The following TRIO variants were observed in gnomAD, a reference collection of about 807,000 sequenced individuals.
The protein encoded by TRIO is trio Rho guanine nucleotide exchange factor.
TRIO carries 58 observed loss-of-function variants against 351.9 expected under a neutral mutation model. That is an observed-to-expected ratio of 0.16 (90% CI 0.13 to 0.21). The LOEUF (loss-of-function observed/expected upper bound fraction) is 0.21, where lower values mean the gene tolerates loss of function less well. TRIO is among the 10% of genes least tolerant of loss of function. TRIO has a pLI of 1.00. For missense variants in TRIO, 3,201 were observed against 4,027.8 expected (o/e 0.79, Z 5.56); for synonymous variants, 1,758 against 1,595.7 (o/e 1.10, Z -2.42).
chr5:14,162,776 T>C (rs1788545899), intron 1 of TRIO, among the ~76,000 whole-genome samples: 1 of 152,214 alleles, frequency 6.6e-6, no homozygotes, highest in Non-Finnish European at 1.5e-5. Flanking sequence ...GGTGTTTTTA[T>C]ATGTCATCAA....
rs562923442 is a variant in TRIO at position 14,435,840 on chromosome 5, G to A, written c.5203+15819G>A. ...ACTCCTTTACTTTCTGGCACTATAG[G>A]ATGTACCAGGCTCATATTGTATTTT... is the stretch of plus-strand genomic sequence containing the variant. On this transcript the variant is annotated intron_variant, in intron 34 of 56. Coordinates refer to ENST00000344204, the MANE Select transcript of TRIO (RefSeq NM_007118.4). Among the ~76,000 whole-genome samples the A allele has an allele frequency of 4.6e-5, 7 of 152,286 alleles. No homozygotes were observed. The East Asian group carries it at 9.6e-4, about 21-fold the overall frequency.
At chr5:14,507,090 A>G (rs1757742480) in intron 55 of TRIO, 32 bp from the exon 56 acceptor site, 1 of 1,552,112 alleles carries the variant, frequency 6.4e-7, no homozygotes, top group African/African-American at 1.4e-5. Context: ...AGCAAATCGC[A>G]TCATAACAGT....
intron 2 of TRIO, among the ~76,000 whole-genome samples, chr5:14,273,784 C>A (rs1248823766): frequency 6.6e-6 from 1 of 152,212 alleles, no homozygotes; most frequent in African/African-American, 2.4e-5. Context: ...TAGTGTGGTT[C>A]CTATGCCACT....
At chr5:14,156,012 C>G (rs1788084104) in intron 1 of TRIO, among the ~76,000 whole-genome samples, 1 of 152,106 alleles carries the variant, frequency 6.6e-6, no homozygotes, top group Admixed American at 6.5e-5. Context: ...GAAGAGCTTT[C>G]CTTATCTTCC....
At chr5:14,315,189 A>C (rs540061317) in intron 8 of TRIO, among the ~76,000 whole-genome samples, 27 of 149,126 alleles carry the variant, frequency 1.8e-4, no homozygotes, top group African/African-American at 6.4e-4. Context: ...GCTCTTTTTT[A>C]TTCTAAGGGT....
chr5:14,260,592 A>G (rs1218489335), intron 1 of TRIO, among the ~76,000 whole-genome samples: 2 of 152,266 alleles, frequency 1.3e-5, no homozygotes, highest in African/African-American at 4.8e-5. Context: ...TTCATGTTAG[A>G]ATCAAATCCA....
At chr5:14,310,460 C>G (rs1373099476) in intron 8 of TRIO, among the ~76,000 whole-genome samples, 1 of 152,226 alleles carries the variant, frequency 6.6e-6, no homozygotes, top group Non-Finnish European at 1.5e-5. Context: ...AATGTGCCAA[C>G]TTAGTGTGTG....
chr5:14,455,650 C>A (rs1045858797), intron 34 of TRIO, among the ~76,000 whole-genome samples: 2 of 152,128 alleles, frequency 1.3e-5, no homozygotes, highest in African/African-American at 4.8e-5. Flanking sequence ...TATTTACAAT[C>A]CTTTAACTAA....
intron 28 of TRIO, 144 bp downstream of exon 28, chr5:14,394,274 C>G (rs561646983): frequency 1.8e-6 from 1 of 564,640 alleles, no homozygotes; most frequent in South Asian, 2.8e-5. Context: ...TATTTATTGA[C>G]CTGCCTAATT....
rs758498399 is a variant in TRIO, at chr5:14,366,974, A to G, written c.2869A>G (p.Ile957Val). Residue 957 changes from isoleucine (I) to valine (V), a missense_variant, in exon 16 of 57, where the codon ATT (isoleucine) becomes GTT (valine). Around this residue, in one of 19 missense-constraint regions of TRIO, gnomAD observed 363 missense variants for 553.5 expected, o/e 0.66. Transcript: ENST00000344204. Reference sequence around the variant, plus strand: ...AGAGCACGAGCAGTTCCAGCATGCCATTGAGGTAAGGGCGCTGGGCCTGCC... The same window carrying G: ...AGAGCACGAGCAGTTCCAGCATGCCGTTGAGGTAAGGGCGCTGGGCCTGCC... ...QREHEQFQHA[I>V]EKTHQSALQV... The G allele has an allele frequency of 6.2e-7, 1 of 1,614,114 alleles. No homozygotes were observed.
chr5:14,311,367 A>C (rs1738913742), intron 8 of TRIO, among the ~76,000 whole-genome samples: 1 of 152,258 alleles, frequency 6.6e-6, no homozygotes. Context: ...TAGCTGAAAG[A>C]AATAGAAATC....
intron 20 of TRIO, among the ~76,000 whole-genome samples, chr5:14,379,971 G>A (rs1402196947): frequency 6.6e-6 from 1 of 152,084 alleles, no homozygotes; most frequent in East Asian, 1.9e-4. Context: ...ACCCACCCCA[G>A]GCCTCACTGC....
intron 1 of TRIO, among the ~76,000 whole-genome samples, chr5:14,197,618 TTACTC>T (rs1790861752): frequency 6.6e-6 from 1 of 152,200 alleles, no homozygotes; most frequent in African/African-American, 2.4e-5. Flanking sequence ...CTGAGCTTCT[TTACTC>T]TATTTGCAAG....
intron 2 of TRIO, among the ~76,000 whole-genome samples, chr5:14,274,701 A>G (rs1735346647): frequency 6.6e-6 from 1 of 152,152 alleles, no homozygotes; most frequent in Non-Finnish European, 1.5e-5. Flanking sequence ...TTGAAAAAGG[A>G]CCATTGTTTG....
chr5:14,196,484 A>C (rs1367772805), intron 1 of TRIO, among the ~76,000 whole-genome samples: 1 of 151,644 alleles, frequency 6.6e-6, no homozygotes, highest in Non-Finnish European at 1.5e-5. Flanking sequence ...TCTAAGACTG[A>C]CTGAGACTAT....
At chr5:14,201,256 A>G (rs1020211011) in intron 1 of TRIO, among the ~76,000 whole-genome samples, 2 of 152,186 alleles carry the variant, frequency 1.3e-5, no homozygotes, top group Non-Finnish European at 2.9e-5. Flanking sequence ...GCGAAACTCC[A>G]TCTCAAAAAA....
At position 14,390,935 on chromosome 5, in the gene TRIO, A is replaced by G; in HGVS notation, c.4163A>G (p.Lys1388Arg). 1.2e-6 allele frequency: 2 copies of G among 1,610,506 alleles called. No homozygotes were observed. The highest frequency in any genetic ancestry group is 2.2e-5 in the South Asian group (2 of 89,592). Residue 1388 changes from lysine (K) to arginine (R), a missense_variant, in exon 27 of 57, where the codon AAA (lysine) becomes AGA (arginine). This residue lies in a region of TRIO where 115 missense variants were observed against 239.6 expected (regional missense o/e 0.48). Transcript: ENST00000344204. ...TTTCAGATGTATGTCACATATTGCA[A>G]AAATAAGCCTGATTCTACTCAGCTG... ...DKFQMYVTYCKNKPDSTQLIL... is the reference protein window; with the variant it reads ...DKFQMYVTYCRNKPDSTQLIL...
chr5:14,439,869 C>A (rs566301945), intron 34 of TRIO, among the ~76,000 whole-genome samples: 1 of 152,176 alleles, frequency 6.6e-6, no homozygotes, highest in African/African-American at 2.4e-5. Flanking sequence ...GCGCCTGAGA[C>A]AGTTTTCTCT....
At chr5:14,472,715 A>G in intron 39 of TRIO, 57 bp downstream of exon 39, 1 of 1,586,206 alleles carries the variant, frequency 6.3e-7, no homozygotes, top group East Asian at 2.2e-5. Flanking sequence ...TGTCAAAAGT[A>G]GTATCGTTTT....
Sources: gnomAD v4.1 joint callset for allele counts (sites outside exome capture counted in the v4.1 genomes callset) on GRCh38, gnomAD v4.1.1 for gene constraint, gnomAD v4.1.1 regional missense constraint, MANE v1.5 for transcripts, NCBI Gene and HGNC (gene_info 2026-07-23, HGNC 2026-07-21) for gene names.